Variants in IGF2BP2 observed in about 807,000 individuals in gnomAD.
IGF2BP2 encodes the protein insulin like growth factor 2 mRNA binding protein 2.
IGF2BP2 carries 17 observed loss-of-function variants against 75.8 expected under a neutral mutation model. The ratio of observed to expected loss-of-function variants is 0.22; its 90% confidence interval spans 0.15 to 0.34. IGF2BP2 has a LOEUF of 0.34. Ranked by LOEUF, IGF2BP2 falls within the 10% of genes least tolerant of loss-of-function variation. The probability of loss-of-function intolerance (pLI) is 1.00; values close to 1 mark genes in which losing one functional copy is unlikely to be tolerated. For missense variants in IGF2BP2, 516 were observed against 772.4 expected, an observed-to-expected ratio of 0.67 and a Z score of 3.93; for synonymous variants, 288 against 295.6, an observed-to-expected ratio of 0.97 and a Z score of 0.26.
At chr3:185,790,746 G>GC (rs1462999380) in intron 2 of IGF2BP2, among the ~76,000 whole-genome samples, 1 of 152,182 alleles carries the variant, frequency 6.6e-6, no homozygotes, top group Non-Finnish European at 1.5e-5. Context: ...CTTGATGTTT[G>GC]CCTTAATAGA....
chr3:185,808,132 A>AAAAG (rs144961186), intron 2 of IGF2BP2, among the ~76,000 whole-genome samples: 56 of 128,738 alleles, frequency 4.3e-4, no homozygotes, highest in East Asian at 9.2e-4. Context: ...AAAAAAAAAA[A>AAAAG]AAAGAAAGAA....
intron 2 of IGF2BP2, among the ~76,000 whole-genome samples, chr3:185,787,323 A>G (rs1736030676): frequency 6.6e-6 from 1 of 152,244 alleles, no homozygotes; most frequent in African/African-American, 2.4e-5. Context: ...AATGAAAAAA[A>G]TCACTTAAAG....
rs1444194143 is a variant in IGF2BP2, at chr3:185,707,288, G to A, written c.240-8941C>T. ...TTTAAATTTATATTCAGTGTGTAACGAAGGGGCTTTTTTTTTTTTTTTTTT... is the reference window on the plus strand; with the variant it reads ...TTTAAATTTATATTCAGTGTGTAACAAAGGGGCTTTTTTTTTTTTTTTTTT... On this transcript the variant is annotated intron_variant, in intron 2 of 15. Coordinates refer to ENST00000382199, the MANE Select transcript of IGF2BP2 (RefSeq NM_006548.6). Among the ~76,000 whole-genome samples, 7 of 126,648 alleles carry A rather than the reference G, an allele frequency of 5.5e-5. No individual in the cohort carries two copies. The South Asian group carries it at 7.8e-4, about 14-fold the overall frequency. 83.1% of individuals were successfully genotyped at this position (126,648 alleles called of 152,430 possible). A position where few individuals can be genotyped will look rare whatever the true frequency, so the allele number is the denominator to read the frequency against.
Position 185,657,352 on chromosome 3 carries a change from G to A in IGF2BP2, c.1320C>T (p.Gly440=), listed in dbSNP as rs142081639. ...VNLFIPTQAV[G]AIIGKKGAHI... ...GTGCCCCCTTCTTCCCGATGATGGC[G>A]CCCACAGCCTGGGTTGGGATGAAGA... is the stretch of plus-strand genomic sequence containing the variant. Residue 440 remains glycine (G), a synonymous_variant, in exon 12 of 16, where the codon GGC becomes GGT. Coordinates refer to ENST00000382199, the MANE Select transcript of IGF2BP2 (RefSeq NM_006548.6). 13 of 1,613,750 alleles carry A rather than the reference G, an allele frequency of 8.1e-6. No homozygotes were observed. The highest frequency in any genetic ancestry group is 6.7e-5 in the East Asian group (3 of 44,878).
intron 2 of IGF2BP2, among the ~76,000 whole-genome samples, chr3:185,805,392 T>C (rs1045722242): frequency 3.3e-5 from 5 of 152,086 alleles, no homozygotes; most frequent in Non-Finnish European, 7.4e-5. Context: ...AAGTAAGAAA[T>C]GTTCTCTTTT....
chr3:185,793,330 A>C (rs1326335623), intron 2 of IGF2BP2, among the ~76,000 whole-genome samples: 1 of 152,132 alleles, frequency 6.6e-6, no homozygotes, highest in South Asian at 2.1e-4. Flanking sequence ...CTGAGGAATA[A>C]GGCTGCCACA....
chr3:185,787,704 G>T (rs563056139), intron 2 of IGF2BP2, among the ~76,000 whole-genome samples: 1 of 151,198 alleles, frequency 6.6e-6, no homozygotes, highest in Admixed American at 6.6e-5. Flanking sequence ...CTGCACTCCC[G>T]CCTGGGCAAC....
In IGF2BP2 at chr3:185,712,446, G is replaced by A. The variant is rs562799213; in HGVS notation, c.240-14099C>T. ...CCCACTCCTAATAAAACATTTTATT[G>A]TTACCAAAGGCTGCCATTATTCCAA... On this transcript the variant is annotated intron_variant, in intron 2 of 15. Coordinates refer to ENST00000382199, the MANE Select transcript of IGF2BP2 (RefSeq NM_006548.6). 6.6e-5 allele frequency: 10 copies of A among 152,072 alleles called. 1 individual carries two copies. The South Asian group carries it at 2.1e-3, about 32-fold the overall frequency. 9.4% of individuals were successfully genotyped at this position (152,072 alleles called of 1,614,324 possible). A position where few individuals can be genotyped will look rare whatever the true frequency, so the allele number is the denominator to read the frequency against.
At chr3:185,784,178 T>C (rs1432783817) in intron 2 of IGF2BP2, among the ~76,000 whole-genome samples, 1 of 152,174 alleles carries the variant, frequency 6.6e-6, no homozygotes, top group Non-Finnish European at 1.5e-5. Context: ...GAGGTTATAG[T>C]GAGCTGAGAT....
chr3:185,731,915 G>A (rs1728244191), intron 2 of IGF2BP2, among the ~76,000 whole-genome samples: 2 of 152,014 alleles, frequency 1.3e-5, no homozygotes, highest in Non-Finnish European at 2.9e-5. Flanking sequence ...CCGGGAGGCA[G>A]AGTTTGCAGT....
chr3:185,648,569 C>T (rs1367838633), intron 14 of IGF2BP2, among the ~76,000 whole-genome samples: 1 of 151,956 alleles, frequency 6.6e-6, no homozygotes, highest in East Asian at 1.9e-4. Context: ...CCGCCAAGTT[C>T]CTGCCACCCA....
chr3:185,799,979 GT>G (rs759257051), intron 2 of IGF2BP2, among the ~76,000 whole-genome samples: 1 of 152,138 alleles, frequency 6.6e-6, no homozygotes, highest in Non-Finnish European at 1.5e-5. Context: ...ACATGCACAC[GT>G]ATCTTTACTG....
chr3:185,737,470 CAA>C (rs1006147243), intron 2 of IGF2BP2, among the ~76,000 whole-genome samples: 62 of 152,022 alleles, frequency 4.1e-4, no homozygotes, highest in Non-Finnish European at 8.8e-5. Context: ...TTGGCTTGAT[CAA>C]AAGAGAGTAT....
At chr3:185,803,293 G>C (rs1738530532) in intron 2 of IGF2BP2, among the ~76,000 whole-genome samples, 1 of 152,218 alleles carries the variant, frequency 6.6e-6, no homozygotes, top group Non-Finnish European at 1.5e-5. Context: ...AGAGGTTGCA[G>C]TGAGCCGAGA....
chr3:185,731,046 A>T (rs191135201), intron 2 of IGF2BP2, among the ~76,000 whole-genome samples: 147 of 152,252 alleles, frequency 9.7e-4, no homozygotes, highest in Middle Eastern at 3.4e-3. Flanking sequence ...GTAATTTTTT[A>T]AAAAAATGAA....
At chr3:185,722,531 GAAGT>G (rs1353832351) in intron 2 of IGF2BP2, 4 of 276,762 alleles carry the variant, frequency 1.4e-5, no homozygotes, top group African/African-American at 9.4e-5. Flanking sequence ...AGTGAGCTTG[GAAGT>G]AAGTGATATG....
intron 9 of IGF2BP2, among the ~76,000 whole-genome samples, chr3:185,674,040 T>C (rs1280670538): frequency 6.6e-6 from 1 of 152,156 alleles, no homozygotes; most frequent in Non-Finnish European, 1.5e-5. Flanking sequence ...TCATCACACC[T>C]CATAATTGTC....
Position 185,757,049 on chromosome 3 carries a change from G to GT in IGF2BP2, c.240-58703dup, listed in dbSNP as rs546065789. ...CTTCCAACACTCACGATACTCCATGGTTCTAGCCGTATCTCTATCCTAGCA... is the reference window on the plus strand; with the variant it reads ...CTTCCAACACTCACGATACTCCATGGTTTCTAGCCGTATCTCTATCCTAGCA... On this transcript the variant is annotated intron_variant, in intron 2 of 15. Transcript: ENST00000382199. 6.3e-3 allele frequency among the ~76,000 whole-genome samples: 960 copies of GT among 152,234 alleles called. 8 individuals are homozygous for GT. Among genetic ancestry groups the GT allele is most frequent in the African/African-American group, 0.022 (908 of 41,536 alleles).
At chr3:185,778,223 AC>A (rs1374491686) in intron 2 of IGF2BP2, among the ~76,000 whole-genome samples, 2 of 152,132 alleles carry the variant, frequency 1.3e-5, no homozygotes, top group Non-Finnish European at 2.9e-5. Context: ...GCCAGAAGCA[AC>A]CCTGGACAGG....
Sources: allele counts gnomAD v4.1 joint callset (sites outside exome capture counted in the v4.1 genomes callset), GRCh38; gene constraint gnomAD v4.1.1; transcripts MANE v1.5; gene names NCBI Gene and HGNC (gene_info 2026-07-23, HGNC 2026-07-21).